Variants in NVL observed in about 807,000 individuals in gnomAD.
NVL encodes the protein nuclear valosin-containing protein-like.
A neutral mutation model predicts 110.2 loss-of-function variants in NVL; 84 were observed. The observed-to-expected ratio is 0.76, with a 90% CI of 0.64 to 0.91. The LOEUF is 0.91. Among genes scored for constraint, NVL ranks in the 40% least tolerant of loss-of-function variants. The pLI is 0.00. For missense variants in NVL, 882 were observed against 1,035.9 expected, an observed-to-expected ratio of 0.85 and a Z score of 2.04; for synonymous variants, 354 against 361.1, an observed-to-expected ratio of 0.98 and a Z score of 0.22.
At chr1:224,247,201 G>A (rs1280750377) in intron 19 of NVL, among the ~76,000 whole-genome samples, 1 of 151,974 alleles carries the variant, frequency 6.6e-6, no homozygotes, top group Non-Finnish European at 1.5e-5. Flanking sequence ...ATTTTGAGTC[G>A]GATAATACTT....
chr1:224,295,544 C>T (rs1376278537), intron 11 of NVL, among the ~76,000 whole-genome samples: 1 of 151,864 alleles, frequency 6.6e-6, no homozygotes. Context: ...AGCATTTTCT[C>T]AGAATGCAGG....
intron 17 of NVL, among the ~76,000 whole-genome samples, chr1:224,273,060 C>CAA (rs1049958217): frequency 1.7e-5 from 2 of 119,352 alleles, no homozygotes; most frequent in African/African-American, 6.9e-5. Context: ...AACAAACAAA[C>CAA]AAAAAAAAAC....
chr1:224,311,711 T>G, intron 5 of NVL, 89 bp downstream of exon 5: 2 of 966,246 alleles, frequency 2.1e-6, no homozygotes, highest in Non-Finnish European at 3.3e-6. Context: ...TGAGTCACCA[T>G]GTCCAGCTAA....
chr1:224,282,891 T>C (rs1215571150), intron 15 of NVL, among the ~76,000 whole-genome samples: 1 of 152,208 alleles, frequency 6.6e-6, no homozygotes, highest in East Asian at 1.9e-4. Context: ...ACAATCAAGA[T>C]CAGCCAAATA....
At position 224,302,770 on chromosome 1, in the gene NVL, G is replaced by A. The variant is rs1014231132; in HGVS notation, c.960+953C>T. Among the ~76,000 whole-genome samples, 3 of 152,268 alleles carry A rather than the reference G, an allele frequency of 2.0e-5. No homozygotes were observed. In the East Asian group the frequency reaches 5.8e-4, roughly 29 times the overall value. ...ACTGCTCCTTAGAACCACTGGGAGG[G>A]CAGGTGCAGTGGCCCATGCCTGTAA... On this transcript the variant is annotated intron_variant, in intron 9 of 22. Transcript: ENST00000281701.
intron 21 of NVL, among the ~76,000 whole-genome samples, chr1:224,232,587 T>G (rs867960271): frequency 4.6e-5 from 7 of 152,088 alleles, no homozygotes; most frequent in South Asian, 2.1e-4. Flanking sequence ...CTCAAACTCC[T>G]GGGCTCAAGC....
At chr1:224,285,484 T>C (rs1666773424) in intron 15 of NVL, among the ~76,000 whole-genome samples, 1 of 152,074 alleles carries the variant, frequency 6.6e-6, no homozygotes, top group South Asian at 2.1e-4. Context: ...AACATGCATG[T>C]AAAAACTTAA....
chr1:224,269,268 T>G (rs929009860), intron 17 of NVL, among the ~76,000 whole-genome samples: 5 of 151,780 alleles, frequency 3.3e-5, no homozygotes, highest in African/African-American at 1.2e-4. Flanking sequence ...TCATATTTTT[T>G]CTAGAGATCC....
intron 12 of NVL, among the ~76,000 whole-genome samples, chr1:224,291,967 G>A (rs563017789): frequency 3.3e-5 from 5 of 152,326 alleles, no homozygotes; most frequent in South Asian, 2.1e-4. Context: ...ACGTGAGACC[G>A]CAAGGCAGAA....
At chr1:224,307,513 G>A (rs1009248317) in intron 6 of NVL, among the ~76,000 whole-genome samples, 1 of 152,058 alleles carries the variant, frequency 6.6e-6, no homozygotes, top group African/African-American at 2.4e-5. Flanking sequence ...ACCAGCTTGG[G>A]CAACCCTGCA....
chr1:224,270,278 C>T (rs761028429), intron 17 of NVL, among the ~76,000 whole-genome samples: 2 of 152,038 alleles, frequency 1.3e-5, no homozygotes, highest in African/African-American at 2.4e-5. Context: ...ATATTCTGGC[C>T]GGGCATTGTG....
chr1:224,256,748 T>C (rs1163505574), intron 18 of NVL, among the ~76,000 whole-genome samples: 1 of 152,204 alleles, frequency 6.6e-6, no homozygotes, highest in African/African-American at 2.4e-5. Context: ...GCTAATCTCT[T>C]CCTAGCTCTT....
chr1:224,296,457 A>T (rs894642427), intron 11 of NVL, 44 bp downstream of exon 11: 40 of 1,043,864 alleles, frequency 3.8e-5, no homozygotes, highest in Non-Finnish European at 5.0e-5. Context: ...ACACTATTTT[A>T]AAAAATTTAT....
At position 224,237,546 on chromosome 1, in the gene NVL, A is replaced by G. The variant is rs531181094; in HGVS notation, c.2290-964T>C. 1.1e-4 allele frequency among the ~76,000 whole-genome samples: 17 copies of G among 152,258 alleles called. No individual in the cohort carries two copies. In the South Asian group the frequency reaches 3.5e-3, roughly 32 times the overall value. ...CTTGCATGCATACATTATGTTTAAT[A>G]ATATTTTTAGTGACAAACTGCAGAG... On this transcript the variant is annotated intron_variant, in intron 19 of 22. Coordinates refer to ENST00000281701, the MANE Select transcript of NVL (RefSeq NM_002533.4).
intron 18 of NVL, among the ~76,000 whole-genome samples, chr1:224,257,760 G>A (rs1336121802): frequency 6.6e-6 from 1 of 152,014 alleles, no homozygotes; most frequent in Non-Finnish European, 1.5e-5. Flanking sequence ...GGCTGGTCTT[G>A]AACTCCTGAG....
chr1:224,277,212 A>G (rs1431611299), intron 16 of NVL, among the ~76,000 whole-genome samples: 1 of 152,144 alleles, frequency 6.6e-6, no homozygotes, highest in Non-Finnish European at 1.5e-5. Context: ...TTATATTACA[A>G]AGTCCTTGGA....
intron 12 of NVL, among the ~76,000 whole-genome samples, chr1:224,290,958 G>C (rs1376514495): frequency 2.0e-5 from 3 of 152,066 alleles, no homozygotes; most frequent in Non-Finnish European, 4.4e-5. Flanking sequence ...GACAGAGCAA[G>C]ACTCCATCTC....
intron 15 of NVL, among the ~76,000 whole-genome samples, chr1:224,282,850 T>A (rs543531506): frequency 1.3e-5 from 2 of 152,186 alleles, no homozygotes; most frequent in Non-Finnish European, 2.9e-5. Context: ...CCAAGAAAAA[T>A]TGTATTATTT....
chr1:224,250,333 AG>A lies in NVL; in HGVS notation c.2183-16del. 1.3e-6 allele frequency: 2 copies of A among 1,532,536 alleles called. No individual in the cohort carries two copies. The highest frequency in any genetic ancestry group is 4.7e-5 in the Admixed American group (2 of 42,900). The allele number at this position is 1,532,536 out of a possible 1,614,324, so 94.9% of individuals were successfully genotyped here. On this transcript the variant is annotated splice_polypyrimidine_tract_variant and intron_variant, in intron 18 of 22. Transcript: ENST00000281701. ...GTCAATTATATCTAGAGAAGAAGGG[AG>A]AAAAAAAGTCTTAAATAAAACCTTT...
Sources: gnomAD v4.1 joint callset for allele counts (sites outside exome capture counted in the v4.1 genomes callset) on GRCh38, gnomAD v4.1.1 for gene constraint, MANE v1.5 for transcripts, NCBI Gene and HGNC (gene_info 2026-07-23, HGNC 2026-07-21) for gene names.